The following RFX4 variants were observed in gnomAD, a reference collection of about 807,000 sequenced individuals.
RFX4 encodes the protein transcription factor RFX4.
A neutral mutation model predicts 95.0 loss-of-function variants in RFX4; 10 were observed. The ratio of observed to expected loss-of-function variants is 0.11; its 90% CI spans 0.06 to 0.18. The LOEUF (loss-of-function observed/expected upper bound fraction) is 0.18. Ranked by LOEUF, RFX4 falls within the 10% of genes least tolerant of loss-of-function variation. RFX4 has a pLI of 1.00. For missense variants in RFX4, 640 were observed against 922.0 expected (o/e 0.69, Z 3.96); for synonymous variants, 321 against 340.7 (o/e 0.94, Z 0.64).
chr12:106,683,484 A>AAAC (rs2041569849), intron 5 of RFX4: 1 of 149,464 alleles, frequency 6.7e-6, no homozygotes, highest in Non-Finnish European at 1.5e-5. Context: ...AAAAAAAAAA[A>AAAC]AAAAAAAAAA....
chr12:106,704,375 C>T (rs1158780491), intron 8 of RFX4, among the ~76,000 whole-genome samples: 1 of 152,184 alleles, frequency 6.6e-6, no homozygotes, highest in Non-Finnish European at 1.5e-5. Flanking sequence ...AAATCAAGTG[C>T]CGTTTTCATT....
chr12:106,687,933 G>T (rs1172691349), intron 6 of RFX4, among the ~76,000 whole-genome samples: 1 of 152,068 alleles, frequency 6.6e-6, no homozygotes, highest in Non-Finnish European at 1.5e-5. Context: ...AGGGGATTTG[G>T]TGAAATAATA....
At chr12:106,749,192 G>A (rs146089703) in intron 16 of RFX4, among the ~76,000 whole-genome samples, 1,724 of 150,778 alleles carry the variant, frequency 0.011, 14 homozygotes, top group Middle Eastern at 0.048. Context: ...GGAGGCGGAG[G>A]TTGCAGTAAG....
intron 15 of RFX4, among the ~76,000 whole-genome samples, chr12:106,747,158 G>C (rs1003134944): frequency 3.9e-5 from 6 of 152,144 alleles, no homozygotes; most frequent in Non-Finnish European, 8.8e-5. Flanking sequence ...GTGAGAGGAA[G>C]AATGAGTGGG....
At chr12:106,613,561 A>G (rs1268334433) in intron 2 of RFX4, among the ~76,000 whole-genome samples, 2 of 151,830 alleles carry the variant, frequency 1.3e-5, no homozygotes, top group African/African-American at 4.8e-5. Context: ...ATGGGGTTTC[A>G]CCATGTTGGC....
intron 13 of RFX4, among the ~76,000 whole-genome samples, chr12:106,726,120 G>A (rs1033168327): frequency 2.6e-5 from 4 of 151,648 alleles, no homozygotes; most frequent in Admixed American, 6.6e-5. Context: ...ATGTTGGCAC[G>A]CACTGTAATC....
chr12:106,712,151 C>T (rs976752755), intron 10 of RFX4, among the ~76,000 whole-genome samples: 5 of 152,244 alleles, frequency 3.3e-5, no homozygotes, highest in African/African-American at 1.2e-4. Context: ...AGGTGGCAAA[C>T]CGGTGGCCAC....
chr12:106,717,453 CAAG>C (rs567877342), intron 11 of RFX4, among the ~76,000 whole-genome samples: 213 of 152,236 alleles, frequency 1.4e-3, no homozygotes, highest in Non-Finnish European at 2.6e-3. Context: ...CTGCCTCTCT[CAAG>C]AAAGAACCTT....
At chr12:106,735,468 AG>A in intron 15 of RFX4, among the ~76,000 whole-genome samples, 1 of 152,310 alleles carries the variant, frequency 6.6e-6, no homozygotes, top group East Asian at 1.9e-4. Context: ...ATTACCTCTA[AG>A]CCCAATGAAG....
At chr12:106,637,096 T>C (rs2040529464) in intron 2 of RFX4, among the ~76,000 whole-genome samples, 1 of 152,192 alleles carries the variant, frequency 6.6e-6, no homozygotes, top group Non-Finnish European at 1.5e-5. Context: ...CTCCACCTAA[T>C]CCAATCAGTG....
At chr12:106,655,509 C>G (rs541816802) in intron 4 of RFX4, among the ~76,000 whole-genome samples, 20 of 152,210 alleles carry the variant, frequency 1.3e-4, no homozygotes, top group African/African-American at 4.8e-4. Context: ...TATGGAGGTG[C>G]CCCTCAGCAG....
chr12:106,587,721 G>C (rs1342216008), intron 1 of RFX4, among the ~76,000 whole-genome samples: 1 of 152,196 alleles, frequency 6.6e-6, no homozygotes, highest in African/African-American at 2.4e-5. Context: ...AAAGGTTCTG[G>C]CTTTTCTTCC....
chr12:106,632,359 G>C (rs1175475401), intron 2 of RFX4, among the ~76,000 whole-genome samples: 1 of 152,112 alleles, frequency 6.6e-6, no homozygotes, highest in Non-Finnish European at 1.5e-5. Context: ...GTGTGCCTGC[G>C]AATGGCTCCA....
In RFX4 at chr12:106,715,539, C is replaced by A. The variant is rs370219355; in HGVS notation, c.1133C>A (p.Thr378Asn). ...CGCGATGAGCACCGGAAACTCATCA[C>A]CCAATGTAAGCTGTCCCACCAGGGA... The part of the protein sequence containing the change: ...DSRDEHRKLI[T>N]QLYQEFDHLL... Residue 378 changes from threonine to asparagine, a missense_variant, in exon 11 of 18, where the codon ACC becomes AAC. Thr to Asn is a moderately conservative substitution (Grantham distance 65, BLOSUM62 0). Coordinates refer to ENST00000392842, the MANE Select transcript of RFX4 (RefSeq NM_213594.3). 4 of 1,613,942 alleles carry A rather than the reference C, an allele frequency of 2.5e-6. No homozygotes were observed. In the African/African-American group the frequency reaches 4.0e-5, roughly 16 times the overall value.
chr12:106,711,414 G>A, intron 9 of RFX4, 39 bp from the exon 10 acceptor site: 1 of 1,576,120 alleles, frequency 6.3e-7, no homozygotes, highest in Non-Finnish European at 8.7e-7. Flanking sequence ...GAATCATAAA[G>A]CATGCAAATA....
At chr12:106,627,465 G>A (rs765537921) in intron 2 of RFX4, among the ~76,000 whole-genome samples, 1 of 152,118 alleles carries the variant, frequency 6.6e-6, no homozygotes, top group Non-Finnish European at 1.5e-5. Flanking sequence ...AACCTGGGAG[G>A]TGAAGAGGTT....
At chr12:106,583,409 A>T in intron 1 of RFX4, 46 bp downstream of exon 1, 2 of 1,504,550 alleles carry the variant, frequency 1.3e-6, no homozygotes, top group Non-Finnish European at 1.8e-6. Context: ...GGAGGGAAGG[A>T]GAAGGGAGAG....
rs1238152664 is a variant in RFX4 at position 106,750,744 on chromosome 12, C to G, written c.1886C>G (p.Ala629Gly). 3 of 1,612,826 alleles carry G rather than the reference C, an allele frequency of 1.9e-6. No individual in the cohort carries two copies. The East Asian group carries it at 6.7e-5, about 36-fold the overall frequency. Residue 629 changes from alanine to glycine, a missense_variant, in exon 17 of 18, where the codon GCT becomes GGT. Coordinates refer to ENST00000392842, the MANE Select transcript of RFX4 (RefSeq NM_213594.3). ...SQYPALPHDTAISGPLHYAPY... is the reference protein window; with the variant it reads ...SQYPALPHDTGISGPLHYAPY... The stretch of plus-strand genomic sequence containing the variant: ...TATCCGGCCCTCCCTCATGACACAG[C>G]TATCTCTGGGCCACTCCACTATGCC...
chr12:106,663,176 C>G (rs2041109534), intron 4 of RFX4, among the ~76,000 whole-genome samples: 2 of 152,024 alleles, frequency 1.3e-5, no homozygotes, highest in African/African-American at 4.8e-5. Context: ...AATATTGCAT[C>G]TTCCTATCCA....
Sources: allele counts gnomAD v4.1 joint callset (sites outside exome capture counted in the v4.1 genomes callset), GRCh38; gene constraint gnomAD v4.1.1; transcripts MANE v1.5; gene names NCBI Gene and HGNC (gene_info 2026-07-23, HGNC 2026-07-21).